PRDM16: variants seen among roughly 807,000 people sequenced by gnomAD.
PRDM16 encodes histone-lysine N-methyltransferase PRDM16.
A neutral mutation model predicts 110.6 loss-of-function variants in PRDM16; 23 were observed. That is an observed-to-expected ratio of 0.21 (90% CI 0.15 to 0.29). The LOEUF (loss-of-function observed/expected upper bound fraction) is 0.29, where lower values mean the gene tolerates loss of function less well. Among genes scored for constraint, PRDM16 ranks in the 10% least tolerant of loss-of-function variants. The pLI, the probability that PRDM16 is intolerant of heterozygous loss-of-function variation, is 1.00. For synonymous variants in PRDM16, 799 were observed against 781.8 expected (o/e 1.02, Z -0.37); for missense variants, 1,615 against 1,794.3 (o/e 0.90, Z 1.81).
At chr1:3,314,300 C>T (rs1240061519) in intron 3 of PRDM16, among the ~76,000 whole-genome samples, 1 of 152,098 alleles carries the variant, frequency 6.6e-6, no homozygotes, top group Non-Finnish European at 1.5e-5. Flanking sequence ...CTCCTCTCAA[C>T]CCTGGTGTGC....
Position 3,290,597 on chromosome 1 carries a change from G to A in PRDM16, c.438+46460G>A, listed in dbSNP as rs558939434. ...ATCACTGAAGAAGCCCCGTGGCTCC[G>A]GCTCCGTCTGCAGGATCCCTCCCAG... On this transcript the variant is annotated intron_variant, in intron 3 of 16. Transcript: ENST00000270722. This position sits in a 1 kb window ranked among gnomAD's most constrained non-coding sequence, Gnocchi z 4.8. Among the ~76,000 whole-genome samples the A allele has an allele frequency of 2.0e-5, 3 of 152,294 alleles. No individual in the cohort carries two copies. Among genetic ancestry groups the A allele is most frequent in the South Asian group, 2.1e-4 (1 of 4,824 alleles).
intron 1 of PRDM16, among the ~76,000 whole-genome samples, chr1:3,125,002 C>T (rs1643175329): frequency 6.6e-6 from 1 of 152,226 alleles, no homozygotes; most frequent in South Asian, 2.1e-4. Context: ...CTGTCAGCTC[C>T]GCAGGAGCCC....
At chr1:3,266,276 G>C (rs1030088933) in intron 3 of PRDM16, among the ~76,000 whole-genome samples, 6 of 152,164 alleles carry the variant, frequency 3.9e-5, no homozygotes, top group African/African-American at 1.4e-4. Flanking sequence ...TCCACGGATC[G>C]GGCGGGCCTG....
chr1:3,308,101 A>G (rs539358709), intron 3 of PRDM16: 2 of 152,338 alleles, frequency 1.3e-5, no homozygotes, highest in African/African-American at 4.8e-5. Context: ...GCTTTGGATC[A>G]TGGTCCTGGC....
chr1:3,300,817 G>A (rs1641192031), intron 3 of PRDM16, among the ~76,000 whole-genome samples: 1 of 152,170 alleles, frequency 6.6e-6, no homozygotes, highest in Non-Finnish European at 1.5e-5. Context: ...AACCGTGTAT[G>A]GAAATATCTT....
At chr1:3,366,258 G>A (rs970254300) in intron 3 of PRDM16, among the ~76,000 whole-genome samples, 6 of 152,228 alleles carry the variant, frequency 3.9e-5, no homozygotes, top group Non-Finnish European at 7.3e-5. Context: ...GCGGCCGCTC[G>A]CAGACTAGAC....
At chr1:3,225,773 G>T (rs1406871869) in intron 2 of PRDM16, among the ~76,000 whole-genome samples, 1 of 152,200 alleles carries the variant, frequency 6.6e-6, no homozygotes, top group Non-Finnish European at 1.5e-5. Flanking sequence ...AAACATCTGG[G>T]CTCCAAGTGG....
At chr1:3,240,087 A>C (rs1294746431) in intron 2 of PRDM16, among the ~76,000 whole-genome samples, 3 of 147,820 alleles carry the variant, frequency 2.0e-5, no homozygotes, top group Non-Finnish European at 4.5e-5. Flanking sequence ...AGAGGAGAGG[A>C]GAGGAGAGGA....
At chr1:3,266,501 TG>T (rs1474760199) in intron 3 of PRDM16, among the ~76,000 whole-genome samples, 1 of 152,094 alleles carries the variant, frequency 6.6e-6, no homozygotes, top group African/African-American at 2.4e-5. Context: ...TCTTAATCAG[TG>T]AACTGCGTTG....
intron 3 of PRDM16, among the ~76,000 whole-genome samples, chr1:3,349,224 C>T (rs1283441122): frequency 6.6e-6 from 1 of 152,334 alleles, no homozygotes; most frequent in African/African-American, 2.4e-5. Flanking sequence ...CCTGGGCCTG[C>T]TCTCTGGCTC....
intron 1 of PRDM16, among the ~76,000 whole-genome samples, chr1:3,144,509 G>A (rs1055653173): frequency 6.8e-6 from 1 of 147,230 alleles, no homozygotes; most frequent in African/African-American, 2.5e-5. Context: ...TGCCTTCCCA[G>A]CTCCACTCTG....
chr1:3,177,648 T>G (rs1325307512), intron 1 of PRDM16, among the ~76,000 whole-genome samples: 1 of 152,224 alleles, frequency 6.6e-6, no homozygotes, highest in Non-Finnish European at 1.5e-5. Context: ...CAGTGCTCTA[T>G]TGTCTGATTA....
At chr1:3,138,624 C>A (rs1237696177) in intron 1 of PRDM16, among the ~76,000 whole-genome samples, 1 of 152,222 alleles carries the variant, frequency 6.6e-6, no homozygotes, top group African/African-American at 2.4e-5. Context: ...AGGGAGCCTG[C>A]CATCTTGTCA....
chr1:3,180,997 ATCTTACACGCGGTCTTACAAATGCGG>A (rs1410038198), intron 1 of PRDM16, among the ~76,000 whole-genome samples: 20 of 114,808 alleles, frequency 1.7e-4, no homozygotes, highest in African/African-American at 4.9e-4. Flanking sequence ...CTTACACACG[ATCTTACACGCGGTCTTACAAATGCGG>A]TCTTACACGC....
intron 1 of PRDM16, among the ~76,000 whole-genome samples, chr1:3,139,057 T>C (rs10797379): frequency 0.65 from 98,461 of 152,056 alleles, 34,094 homozygotes; most frequent in East Asian, 1. Context: ...AGTGGGGGCT[T>C]GGGGCCAGGT....
At chr1:3,114,175 G>A (rs140398707) in intron 1 of PRDM16, among the ~76,000 whole-genome samples, 33 of 112,992 alleles carry the variant, frequency 2.9e-4, no homozygotes, top group South Asian at 5.7e-4. Flanking sequence ...GCACACACAC[G>A]CACACACACG....
At position 3,213,082 on chromosome 1, in the gene PRDM16, G is replaced by A. The variant is rs530888038; in HGVS notation, c.387+26608G>A. 2.0e-5 allele frequency among the ~76,000 whole-genome samples: 3 copies of A among 152,126 alleles called. No individual in the cohort carries two copies. On this transcript the variant is annotated intron_variant, in intron 2 of 16. Transcript: ENST00000270722. This position sits in a 1 kb window ranked among gnomAD's most constrained non-coding sequence, Gnocchi z 5.3. Reference sequence around the variant, plus strand: ...CCGCCTGCCGCACGCTTCCCCGGGAGGCCGAGCTCAGGAAGACGCGGCAAA... The same window carrying A: ...CCGCCTGCCGCACGCTTCCCCGGGAAGCCGAGCTCAGGAAGACGCGGCAAA...
Position 3,437,078 on chromosome 1 carries a change from A to C in PRDM16, c.*3267A>C, listed in dbSNP as rs1002003185. 7 of 232,592 alleles carry C rather than the reference A, an allele frequency of 3.0e-5. No individual in the cohort carries two copies. The highest frequency in any genetic ancestry group is 1.7e-4 in the Admixed American group (3 of 17,764). The allele number at this position is 232,592 out of a possible 1,614,324, so 14.4% of individuals were successfully genotyped here. On this transcript the variant is annotated 3_prime_UTR_variant, in exon 17 of 17. Coordinates refer to ENST00000270722, the MANE Select transcript of PRDM16 (RefSeq NM_022114.4). Reference sequence around the variant, plus strand: ...GGCAGACCCTTCATGAGTGGGACCCAAGATATCACTGACTTCAACCCAGAG... The same window carrying C: ...GGCAGACCCTTCATGAGTGGGACCCCAGATATCACTGACTTCAACCCAGAG...
At chr1:3,282,534 A>G (rs771866097) in intron 3 of PRDM16, among the ~76,000 whole-genome samples, 3 of 152,140 alleles carry the variant, frequency 2.0e-5, no homozygotes, top group Admixed American at 1.3e-4. Context: ...ATGCTGCTCC[A>G]TGCACACCTC....
Sources: gnomAD v4.1 joint callset for allele counts (sites outside exome capture counted in the v4.1 genomes callset) on GRCh38, gnomAD v4.1.1 for gene constraint, Gnocchi (gnomAD v3.1) non-coding constraint, MANE v1.5 for transcripts, NCBI Gene and HGNC (gene_info 2026-07-23, HGNC 2026-07-21) for gene names.